Variants in ZNF622 observed in about 807,000 individuals in gnomAD.
The protein encoded by ZNF622 is zinc finger protein 622.
Under a neutral mutation model 49.7 loss-of-function variants are expected in ZNF622, and 34 were observed. That is an observed-to-expected ratio of 0.68 (90% CI 0.52 to 0.91). The LOEUF is 0.91. Among genes scored for constraint, ZNF622 ranks in the 40% least tolerant of loss-of-function variants. The pLI, the probability that ZNF622 is intolerant of heterozygous loss-of-function variation, is 0.00. For missense variants in ZNF622, 569 were observed against 616.4 expected, an observed-to-expected ratio of 0.92 and a Z score of 0.81; for synonymous variants, 209 against 228.7, an observed-to-expected ratio of 0.91 and a Z score of 0.78.
In ZNF622 at chr5:16,465,200, T is replaced by C; in HGVS notation, c.466A>G (p.Arg156Gly). The C allele has an allele frequency of 6.2e-7, 1 of 1,614,212 alleles. No homozygotes were observed. The part of the protein sequence containing the change: ...KAPPAPAKEA[R>G]NVVAVGTGGR... ...CCAGTACCCACGGCCACGACATTCC[T>C]GGCCTCCTTTGCAGGCGCTGGGGGC... The change falls in exon 1 of 6, where the codon AGG becomes GGG. Residue 156 changes from arginine (R) to glycine (G), a missense_variant. Physicochemically the swap from Arg to Gly is moderately radical, Grantham distance 125. Coordinates refer to ENST00000308683, the MANE Select transcript of ZNF622 (RefSeq NM_033414.3). The surrounding 1 kb of genome is among the most constrained non-coding windows in gnomAD (Gnocchi z 6.2).
In ZNF622 at chr5:16,451,787, A is replaced by G. The variant is rs775487490; in HGVS notation, c.1307-3T>C. On this transcript the variant is annotated splice_polypyrimidine_tract_variant and splice_region_variant and intron_variant, in intron 5 of 5. Transcript: ENST00000308683. ...TCGCTCTCGCATAAGAGCCGCTCCTATGATTGGAAGGCAGTTAAGAAATTA... is the reference window on the plus strand; with the variant it reads ...TCGCTCTCGCATAAGAGCCGCTCCTGTGATTGGAAGGCAGTTAAGAAATTA... 2.9e-5 allele frequency: 46 copies of G among 1,610,412 alleles called. No homozygotes were observed. Among genetic ancestry groups the G allele is most frequent in the Middle Eastern group, 1.7e-4 (1 of 6,060 alleles).
Position 16,465,234 on chromosome 5 carries a change from G to A in ZNF622, c.432C>T (p.Pro144=), listed in dbSNP as rs749995956. The A allele has an allele frequency of 2.0e-5, 32 of 1,614,216 alleles. No individual in the cohort carries two copies. The highest frequency in any genetic ancestry group is 2.7e-5 in the Non-Finnish European group (32 of 1,180,036). Residue 144 remains proline (P), a synonymous_variant, in exon 1 of 6, where the codon CCC becomes CCT. Coordinates refer to ENST00000308683, the MANE Select transcript of ZNF622 (RefSeq NM_033414.3). This position sits in a 1 kb window ranked among gnomAD's most constrained non-coding sequence, Gnocchi z 6.2. ...QAIKAQPSMS[P]KKAPPAPAKE... is the part of the protein sequence containing the mutation. Reference sequence around the variant, plus strand: ...TTGCAGGCGCTGGGGGCGCCTTCTTGGGAGACATGGACGGCTGGGCCTTGA... The same window carrying A: ...TTGCAGGCGCTGGGGGCGCCTTCTTAGGAGACATGGACGGCTGGGCCTTGA...
Position 16,465,265 on chromosome 5 carries a change from T to C in ZNF622, c.401A>G (p.Gln134Arg), listed in dbSNP as rs753028300. 6.2e-6 allele frequency: 10 copies of C among 1,614,128 alleles called. No individual in the cohort carries two copies. In the South Asian group the frequency reaches 9.9e-5, roughly 16 times the overall value. ...DKDAMNAAIQ[Q>R]AIKAQPSMSP... The stretch of plus-strand genomic sequence containing the variant: ...CATGGACGGCTGGGCCTTGATGGCC[T>C]GCTGGATGGCCGCGTTCATGGCATC... The change falls in exon 1 of 6, where the codon CAG becomes CGG. Residue 134 changes from glutamine to arginine, a missense_variant. Coordinates refer to ENST00000308683, the MANE Select transcript of ZNF622 (RefSeq NM_033414.3). The surrounding 1 kb of genome is among the most constrained non-coding windows in gnomAD (Gnocchi z 6.2).
chr5:16,457,798 C>G (rs1347751488), intron 4 of ZNF622, among the ~76,000 whole-genome samples: 1 of 152,198 alleles, frequency 6.6e-6, no homozygotes, highest in Non-Finnish European at 1.5e-5. Flanking sequence ...CTCAGCCTCT[C>G]TAAGCTTCAT....
chr5:16,452,100 G>C (rs755565649), intron 5 of ZNF622, among the ~76,000 whole-genome samples: 10 of 152,160 alleles, frequency 6.6e-5, no homozygotes, highest in Admixed American at 3.9e-4. Context: ...TATCGAGTCA[G>C]ACAATACTTC....
intron 1 of ZNF622, among the ~76,000 whole-genome samples, chr5:16,464,059 A>T (rs968512848): frequency 7.9e-5 from 12 of 152,202 alleles, no homozygotes; most frequent in Non-Finnish European, 1.3e-4. Flanking sequence ...ATATTTTTAT[A>T]AACTTCTAAA....
chr5:16,456,038 G>A (rs1443825393), intron 4 of ZNF622, among the ~76,000 whole-genome samples: 3 of 152,180 alleles, frequency 2.0e-5, no homozygotes, highest in Admixed American at 6.5e-5. Flanking sequence ...TGAAGCATGC[G>A]ACCTGTCCAT....
chr5:16,462,763 C>A (rs1400689647), intron 3 of ZNF622, among the ~76,000 whole-genome samples: 1 of 152,210 alleles, frequency 6.6e-6, no homozygotes, highest in African/African-American at 2.4e-5. Flanking sequence ...CAGGAGACAG[C>A]TGGTGATGCA....
chr5:16,458,435 G>T, intron 4 of ZNF622, 82 bp downstream of exon 4: 1 of 960,142 alleles, frequency 1.0e-6, no homozygotes, highest in Non-Finnish European at 1.6e-6. Context: ...ATTTCCCTCA[G>T]TATGGAAAGT....
At chr5:16,458,063 A>G (rs1424159931) in intron 4 of ZNF622, among the ~76,000 whole-genome samples, 6 of 152,094 alleles carry the variant, frequency 3.9e-5, no homozygotes, top group African/African-American at 1.2e-4. Flanking sequence ...TCATCTTTTC[A>G]TACCTCATGG....
chr5:16,465,738 G>A lies in ZNF622; in HGVS notation c.-73C>T. The A allele has an allele frequency of 3.4e-6, 5 of 1,467,306 alleles. No individual in the cohort carries two copies. Among genetic ancestry groups the A allele is most frequent in the South Asian group, 1.4e-5 (1 of 71,712 alleles). 90.9% of individuals were successfully genotyped at this position (1,467,306 alleles called of 1,614,324 possible). On this transcript the variant is annotated 5_prime_UTR_variant, in exon 1 of 6. Coordinates refer to ENST00000308683, the MANE Select transcript of ZNF622 (RefSeq NM_033414.3). This position sits in a 1 kb window ranked among gnomAD's most constrained non-coding sequence, Gnocchi z 6.2. Reference sequence around the variant, plus strand: ...GCGCCGTGGCCCCACAAGACCCTCAGACCTTAACCCGCCTCAGCAGCCAGG... The same window carrying A: ...GCGCCGTGGCCCCACAAGACCCTCAAACCTTAACCCGCCTCAGCAGCCAGG...
Position 16,465,333 on chromosome 5 carries a change from T to C in ZNF622, c.333A>G (p.Glu111=), listed in dbSNP as rs1738199513. ...AVNRKVEMMN[E]KNLEKGLGVD... is the part of the protein sequence containing the mutation. Reference sequence around the variant, plus strand: ...CGCCCAGTCCTTTCTCCAAGTTCTTTTCATTCATCATCTCCACTTTCCGAT... The same window carrying C: ...CGCCCAGTCCTTTCTCCAAGTTCTTCTCATTCATCATCTCCACTTTCCGAT... The change falls in exon 1 of 6, where the codon GAA becomes GAG. Residue 111 remains glutamate, a synonymous_variant. Transcript: ENST00000308683. This position sits in a 1 kb window ranked among gnomAD's most constrained non-coding sequence, Gnocchi z 6.2. 2 of 1,614,262 alleles carry C rather than the reference T, an allele frequency of 1.2e-6. No individual in the cohort carries two copies. Among genetic ancestry groups the C allele is most frequent in the Middle Eastern group, 1.6e-4 (1 of 6,062 alleles).
rs145429200 is a variant in ZNF622, at chr5:16,454,884, G to A, written c.1163-1728C>T. ...CAACCCATGTGTCATAAGTTCAAGGGAGATGACCTGAAGGGGGCTGGGTTT... is the reference window on the plus strand; with the variant it reads ...CAACCCATGTGTCATAAGTTCAAGGAAGATGACCTGAAGGGGGCTGGGTTT... On this transcript the variant is annotated intron_variant, in intron 4 of 5. Coordinates refer to ENST00000308683, the MANE Select transcript of ZNF622 (RefSeq NM_033414.3). Among the ~76,000 whole-genome samples, 720 of 152,272 alleles carry A rather than the reference G, an allele frequency of 4.7e-3. 5 individuals are homozygous for A. The highest frequency in any genetic ancestry group is 0.017 in the African/African-American group (687 of 41,556).
intron 4 of ZNF622, among the ~76,000 whole-genome samples, chr5:16,456,404 T>C (rs1221550665): frequency 1.3e-5 from 2 of 152,184 alleles, no homozygotes; most frequent in Non-Finnish European, 2.9e-5. Context: ...TCAAAATAAA[T>C]GCTCACAGTG....
At position 16,463,340 on chromosome 5, in the gene ZNF622, C is replaced by CACCA. The variant is rs1738153270; in HGVS notation, c.887-74_887-71dup. 6.5e-7 allele frequency: 1 copy of CACCA among 1,528,300 alleles called. No individual in the cohort carries two copies. Among genetic ancestry groups the CACCA allele is most frequent in the South Asian group, 1.3e-5 (1 of 77,908 alleles). The allele number at this position is 1,528,300 out of a possible 1,614,324, so 94.7% of individuals were successfully genotyped here. A position where few individuals can be genotyped will look rare whatever the true frequency, so the allele number is the denominator to read the frequency against. ...AACCAGATTAAATCTCACTATTTGT[C>CACCA]ACCAAAACTCAAAAATCATTCACAA... On this transcript the variant is annotated intron_variant, in intron 2 of 5. Coordinates refer to ENST00000308683, the MANE Select transcript of ZNF622 (RefSeq NM_033414.3). This position sits in a 1 kb window ranked among gnomAD's most constrained non-coding sequence, Gnocchi z 4.2.
At position 16,458,575 on chromosome 5, in the gene ZNF622, C is replaced by T. The variant is rs1738069831; in HGVS notation, c.1104G>A (p.Leu368=). ...CATATTCCAAGTTCTTTTCTGAGGG[C>T]AACTCCTCAGCCTTATTGGGGTCCT... The part of the protein sequence containing the change: ...EGEDPNKAEE[L]PSEKNLEYDD... Residue 368 remains leucine (L), a synonymous_variant, in exon 4 of 6, where the codon TTG becomes TTA. Transcript: ENST00000308683. 1 of 1,613,854 alleles carries T rather than the reference C, an allele frequency of 6.2e-7. No homozygotes were observed.
At chr5:16,461,254 A>G (rs1238672131) in intron 3 of ZNF622, among the ~76,000 whole-genome samples, 2 of 152,230 alleles carry the variant, frequency 1.3e-5, no homozygotes, top group Non-Finnish European at 2.9e-5. Context: ...CCACAGAACC[A>G]CAGATGCTCC....
chr5:16,454,313 C>T lies in ZNF622; in HGVS notation c.1163-1157G>A, dbSNP rs182790592. The stretch of plus-strand genomic sequence containing the variant: ...CCATCCTGGCTAACACGGTGAAACC[C>T]CATCTCTACTAAAAGCACAAAAAAA... On this transcript the variant is annotated intron_variant, in intron 4 of 5. Transcript: ENST00000308683. Among the ~76,000 whole-genome samples the T allele has an allele frequency of 4.8e-3, 733 of 151,958 alleles. 9 individuals carry two copies. The highest frequency in any genetic ancestry group is 0.017 in the African/African-American group (699 of 41,422).
chr5:16,457,884 G>A (rs955630958), intron 4 of ZNF622, among the ~76,000 whole-genome samples: 1 of 152,200 alleles, frequency 6.6e-6, no homozygotes, highest in African/African-American at 2.4e-5. Flanking sequence ...TGTGCTAACT[G>A]CTCAGTAAAT....
Sources: gnomAD v4.1 joint callset for allele counts (sites outside exome capture counted in the v4.1 genomes callset) on GRCh38, gnomAD v4.1.1 for gene constraint, Gnocchi (gnomAD v3.1) non-coding constraint, MANE v1.5 for transcripts, NCBI Gene and HGNC (gene_info 2026-07-23, HGNC 2026-07-21) for gene names.